Variants in ASTN1 observed in about 807,000 individuals in gnomAD.
ASTN1 encodes astrotactin 1, also known as astrotactin-1.
In ASTN1, 41 loss-of-function variants were observed where a neutral mutation model predicts 140.7. That is an observed-to-expected ratio of 0.29 (90% CI 0.23 to 0.38). The LOEUF is 0.38. Ranked by LOEUF, ASTN1 falls within the 10% of genes least tolerant of loss-of-function variation. The pLI is 1.00. For missense variants in ASTN1, 1,479 were observed against 1,678.8 expected, an observed-to-expected ratio of 0.88 and a Z score of 2.08; for synonymous variants, 640 against 652.2, an observed-to-expected ratio of 0.98 and a Z score of 0.29.
intron 1 of ASTN1, among the ~76,000 whole-genome samples, chr1:177,147,358 G>A (rs1379794548): frequency 6.6e-6 from 1 of 152,156 alleles, no homozygotes; most frequent in Non-Finnish European, 1.5e-5. Flanking sequence ...GGTACTCCAT[G>A]CCAAACAGCA....
At chr1:177,018,421 AAAG>A (rs1195853028) in intron 7 of ASTN1, among the ~76,000 whole-genome samples, 1 of 152,236 alleles carries the variant, frequency 6.6e-6, no homozygotes, top group Admixed American at 6.5e-5. Context: ...CAGAGCAAGC[AAAG>A]AAGAGGGCAG....
chr1:177,149,319 G>GTA (rs1166727822), intron 1 of ASTN1, among the ~76,000 whole-genome samples: 2 of 73,946 alleles, frequency 2.7e-5, no homozygotes, highest in Admixed American at 4.5e-4. Context: ...TATATATATA[G>GTA]TATATATATA....
chr1:176,869,220 G>T (rs922817014), intron 21 of ASTN1, among the ~76,000 whole-genome samples, 193 bp from the exon 22 acceptor site: 1 of 151,804 alleles, frequency 6.6e-6, no homozygotes, highest in African/African-American at 2.4e-5. Context: ...ATGTCAATGT[G>T]TATGTATATA....
chr1:177,017,854 T>C (rs543483814), intron 7 of ASTN1, among the ~76,000 whole-genome samples: 1 of 152,288 alleles, frequency 6.6e-6, no homozygotes, highest in Admixed American at 6.5e-5. Flanking sequence ...GACAGTGCTT[T>C]TGGTCACTTC....
At chr1:177,060,001 C>A (rs1243652375) in intron 2 of ASTN1, among the ~76,000 whole-genome samples, 2 of 152,156 alleles carry the variant, frequency 1.3e-5, no homozygotes, top group Non-Finnish European at 2.9e-5. Flanking sequence ...CATAAAATAC[C>A]AAGTGTGACA....
intron 16 of ASTN1, among the ~76,000 whole-genome samples, chr1:176,932,129 A>G (rs560572129): frequency 1.3e-5 from 2 of 152,270 alleles, no homozygotes; most frequent in Non-Finnish European, 2.9e-5. Context: ...TCCATACGTA[A>G]TTTTAGGTAT....
intron 1 of ASTN1, among the ~76,000 whole-genome samples, chr1:177,138,308 C>A (rs1682294548): frequency 6.6e-6 from 1 of 152,166 alleles, no homozygotes; most frequent in Middle Eastern, 3.2e-3. Flanking sequence ...ATCACGGGAC[C>A]ATAGACATAA....
chr1:177,122,439 T>C (rs1291884719), intron 1 of ASTN1, among the ~76,000 whole-genome samples: 1 of 152,176 alleles, frequency 6.6e-6, no homozygotes, highest in Non-Finnish European at 1.5e-5. Context: ...TGATTGCTGC[T>C]GGAATGTGGC....
chr1:176,955,758 G>A (rs773578726), intron 11 of ASTN1, among the ~76,000 whole-genome samples: 19 of 152,170 alleles, frequency 1.2e-4, no homozygotes, highest in Non-Finnish European at 2.2e-4. Flanking sequence ...AGACCCTGAG[G>A]GGCTCAGGAA....
chr1:177,152,106 G>T (rs1359018677), intron 1 of ASTN1, among the ~76,000 whole-genome samples: 1 of 152,064 alleles, frequency 6.6e-6, no homozygotes, highest in African/African-American at 2.4e-5. Flanking sequence ...TCAGTTCTCA[G>T]AATTCATATT....
At chr1:177,082,315 G>A (rs1394810597) in intron 1 of ASTN1, among the ~76,000 whole-genome samples, 1 of 152,140 alleles carries the variant, frequency 6.6e-6, no homozygotes, top group Non-Finnish European at 1.5e-5. Context: ...CTGGACCTGA[G>A]TTTCCTCCTC....
At chr1:176,879,446 C>T (rs954828389) in intron 20 of ASTN1, among the ~76,000 whole-genome samples, 1 of 152,150 alleles carries the variant, frequency 6.6e-6, no homozygotes, top group South Asian at 2.1e-4. Context: ...TTCCAGCCAC[C>T]TTTTGTAGCC....
chr1:176,919,602 G>A (rs1398301567), intron 16 of ASTN1, among the ~76,000 whole-genome samples: 1 of 152,158 alleles, frequency 6.6e-6, no homozygotes, highest in East Asian at 1.9e-4. Flanking sequence ...ATACCCAGAG[G>A]GAGTTGTAAA....
Position 176,862,577 on chromosome 1 carries a change from G to C in ASTN1, c.*1707C>G. 1 of 985,320 alleles carries C rather than the reference G, an allele frequency of 1.0e-6. No individual in the cohort carries two copies. Among genetic ancestry groups the C allele is most frequent in the East Asian group, 1.1e-4 (1 of 8,794 alleles). 61.0% of individuals were successfully genotyped at this position (985,320 alleles called of 1,614,324 possible). On this transcript the variant is annotated 3_prime_UTR_variant, in exon 23 of 23. Transcript: ENST00000361833. ...ACTGAAAACAGAACTGGGTATCCCAGAGTAGCTAAGATCCTGTGCCCTGGA... is the reference window on the plus strand; with the variant it reads ...ACTGAAAACAGAACTGGGTATCCCACAGTAGCTAAGATCCTGTGCCCTGGA...
intron 17 of ASTN1, among the ~76,000 whole-genome samples, chr1:176,892,559 T>C (rs1324099403): frequency 6.6e-6 from 1 of 152,196 alleles, no homozygotes; most frequent in Non-Finnish European, 1.5e-5. Flanking sequence ...TGAGTTCAAA[T>C]GTGTTGGGTT....
chr1:176,926,935 T>C (rs1670994953), intron 16 of ASTN1, among the ~76,000 whole-genome samples: 1 of 152,220 alleles, frequency 6.6e-6, no homozygotes, highest in Non-Finnish European at 1.5e-5. Flanking sequence ...CTGATTCAGC[T>C]GTTGTTTTTG....
chr1:176,860,506 C>T (rs1168207394), downstream of ASTN1, among the ~76,000 whole-genome samples: 4 of 152,174 alleles, frequency 2.6e-5, no homozygotes, highest in East Asian at 3.8e-4. Context: ...AAAGAGATTA[C>T]GTATTTTGGG....
chr1:177,051,022 T>C (rs369054128), intron 2 of ASTN1, among the ~76,000 whole-genome samples: 2 of 152,196 alleles, frequency 1.3e-5, no homozygotes, highest in African/African-American at 4.8e-5. Context: ...AGTCGAAGCA[T>C]AGTTTTGTTT....
rs1002842038 is a variant in ASTN1, at chr1:177,102,708, G to A, written c.284-41443C>T. Among the ~76,000 whole-genome samples the A allele has an allele frequency of 2.0e-4, 31 of 152,182 alleles. 1 individual carries two copies. Among genetic ancestry groups the A allele is most frequent in the Admixed American group, 2.0e-3 (30 of 15,280 alleles). ...AGACTAATACTCTTTTATAAATGAT[G>A]GTATCCAATGGGTAGTCTATGAGAG... On this transcript the variant is annotated intron_variant, in intron 1 of 22. Coordinates refer to ENST00000361833, the MANE Select transcript of ASTN1 (RefSeq NM_004319.3).
Sources: allele counts gnomAD v4.1 joint callset (sites outside exome capture counted in the v4.1 genomes callset), GRCh38; gene constraint gnomAD v4.1.1; transcripts MANE v1.5; gene names NCBI Gene and HGNC (gene_info 2026-07-23, HGNC 2026-07-21).